ANKS1B: variants seen among roughly 807,000 people sequenced by gnomAD.
The protein encoded by ANKS1B is ankyrin repeat and sterile alpha motif domain-containing protein 1B.
A neutral mutation model predicts 148.3 loss-of-function variants in ANKS1B; 36 were observed. The observed-to-expected ratio is 0.24, with a 90% confidence interval of 0.19 to 0.32. ANKS1B has a LOEUF of 0.32. Among genes scored for constraint, ANKS1B ranks in the 10% least tolerant of loss-of-function variants. ANKS1B has a pLI of 1.00. For synonymous variants in ANKS1B, 542 were observed against 560.8 expected (o/e 0.97, Z 0.47); for missense variants, 1,157 against 1,542.6 (o/e 0.75, Z 4.19).
intron 16 of ANKS1B, among the ~76,000 whole-genome samples, chr12:99,070,210 A>G (rs1453097006): frequency 6.6e-6 from 1 of 152,192 alleles, no homozygotes; most frequent in African/African-American, 2.4e-5. Flanking sequence ...ATGGATCCAC[A>G]GAAGACCAAC....
intron 17 of ANKS1B, among the ~76,000 whole-genome samples, chr12:98,912,319 G>A (rs2099787938): frequency 1.3e-5 from 2 of 152,242 alleles, no homozygotes; most frequent in African/African-American, 2.4e-5. Context: ...TTAGTATCCT[G>A]AGCACTCGCT....
chr12:98,736,714 G>A (rs2097775144), intron 9 of ANKS1B, among the ~76,000 whole-genome samples: 1 of 151,958 alleles, frequency 6.6e-6, no homozygotes, highest in Admixed American at 6.6e-5. Flanking sequence ...GTGGGATGAG[G>A]GATAAGCCCA....
intron 9 of ANKS1B, among the ~76,000 whole-genome samples, chr12:99,653,758 A>G (rs1304828579): frequency 6.7e-6 from 1 of 148,478 alleles, no homozygotes; most frequent in Non-Finnish European, 1.5e-5. Context: ...TCACAGCTCA[A>G]TGCAGCCTCA....
At chr12:99,885,978 T>C (rs1189969212) in intron 1 of ANKS1B, among the ~76,000 whole-genome samples, 1 of 152,254 alleles carries the variant, frequency 6.6e-6, no homozygotes, top group East Asian at 1.9e-4. Flanking sequence ...GGTGTATATA[T>C]ACCACATTTT....
At chr12:99,347,580 T>G (rs993809173) in intron 12 of ANKS1B, among the ~76,000 whole-genome samples, 3 of 151,970 alleles carry the variant, frequency 2.0e-5, no homozygotes. Context: ...TTTAAGGAAA[T>G]CTTTGTCAAA....
chr12:99,870,218 T>C (rs2091328540), intron 1 of ANKS1B, among the ~76,000 whole-genome samples: 1 of 152,210 alleles, frequency 6.6e-6, no homozygotes, highest in Non-Finnish European at 1.5e-5. Context: ...CCTGCATTAA[T>C]TCACTTGGGA....
At chr12:99,714,553 T>C (rs1266229616) in intron 8 of ANKS1B, among the ~76,000 whole-genome samples, 1 of 152,130 alleles carries the variant, frequency 6.6e-6, no homozygotes, top group Admixed American at 6.5e-5. Context: ...TATTATTATA[T>C]TTTTTGTGGT....
chr12:99,983,974 C>A lies in ANKS1B; in HGVS notation c.134+130G>T, dbSNP rs1017966144. On this transcript the variant is annotated intron_variant, in intron 1 of 26. Coordinates refer to ENST00000683438, the MANE Select transcript of ANKS1B (RefSeq NM_001352186.2). ...CATACCTCCTCTCCATACACGCAGT[C>A]TGTTTTCCTACCTAATTTAAGAATG... 6.3e-6 allele frequency: 5 copies of A among 788,828 alleles called. No homozygotes were observed. In the South Asian group the frequency reaches 8.1e-5, roughly 13 times the overall value. The allele number at this position is 788,828 out of a possible 1,614,324, so 48.9% of individuals were successfully genotyped here.
intron 4 of ANKS1B, among the ~76,000 whole-genome samples, chr12:99,794,667 A>G (rs902141723): frequency 2.0e-5 from 3 of 151,936 alleles, no homozygotes; most frequent in African/African-American, 7.2e-5. Flanking sequence ...ACTCACAGAG[A>G]TAAAGAAGGG....
chr12:98,942,235 T>G (rs1375469895), intron 17 of ANKS1B, among the ~76,000 whole-genome samples: 1 of 142,762 alleles, frequency 7.0e-6, no homozygotes. Context: ...AGTGAGACCC[T>G]GTCTTGGTGG....
intron 12 of ANKS1B, among the ~76,000 whole-genome samples, chr12:99,327,265 AATT>A (rs973539248): frequency 3.5e-5 from 4 of 113,130 alleles, no homozygotes; most frequent in African/African-American, 1.4e-4. Context: ...TTATATAAAT[AATT>A]ATAATTTATT....
intron 17 of ANKS1B, among the ~76,000 whole-genome samples, chr12:99,046,766 C>G (rs1789963337): frequency 6.8e-6 from 1 of 147,626 alleles, no homozygotes; most frequent in African/African-American, 2.5e-5. Flanking sequence ...AGAGATTGTG[C>G]CACTGCACTC....
chr12:99,894,329 G>GAAAGAAAAGA (rs1555231428), intron 1 of ANKS1B, among the ~76,000 whole-genome samples: 2,328 of 77,192 alleles, frequency 0.03, 87 homozygotes, highest in Middle Eastern at 0.054. Flanking sequence ...GGGAGGGAGG[G>GAAAGAAAAGA]AAAGAAAAGA....
intron 17 of ANKS1B, among the ~76,000 whole-genome samples, chr12:98,835,115 T>TA (rs928425789): frequency 1.4e-5 from 2 of 144,944 alleles, no homozygotes; most frequent in African/African-American, 5.6e-5. Context: ...TTATTATTAT[T>TA]ATTATTATTA....
intron 12 of ANKS1B, among the ~76,000 whole-genome samples, chr12:99,378,983 T>A (rs948981585): frequency 6.6e-6 from 1 of 152,154 alleles, no homozygotes; most frequent in African/African-American, 2.4e-5. Context: ...AATGGAAGCA[T>A]CTATTGTGGT....
chr12:99,765,977 C>G (rs1567806196), intron 8 of ANKS1B, among the ~76,000 whole-genome samples: 1 of 152,132 alleles, frequency 6.6e-6, no homozygotes, highest in Non-Finnish European at 1.5e-5. Context: ...GACTCACAAT[C>G]TCATGCTCTT....
At chr12:98,932,713 G>T (rs1228103622) in intron 17 of ANKS1B, among the ~76,000 whole-genome samples, 1 of 152,028 alleles carries the variant, frequency 6.6e-6, no homozygotes, top group Non-Finnish European at 1.5e-5. Context: ...TATATTCCTG[G>T]AACCAGAAAG....
intron 1 of ANKS1B, among the ~76,000 whole-genome samples, chr12:99,909,962 A>G (rs940011578): frequency 6.6e-6 from 1 of 152,188 alleles, no homozygotes; most frequent in African/African-American, 2.4e-5. Context: ...TCCTCTGTCC[A>G]CCTAGAATAG....
intron 1 of ANKS1B, among the ~76,000 whole-genome samples, chr12:99,940,040 T>A (rs1028979282): frequency 6.6e-6 from 1 of 152,224 alleles, no homozygotes; most frequent in Non-Finnish European, 1.5e-5. Context: ...AAATATTCAA[T>A]GTTGTGTGAC....
Sources: gnomAD v4.1 joint callset for allele counts (sites outside exome capture counted in the v4.1 genomes callset) on GRCh38, gnomAD v4.1.1 for gene constraint, MANE v1.5 for transcripts, NCBI Gene and HGNC (gene_info 2026-07-23, HGNC 2026-07-21) for gene names.